The following SH3BGRL2 variants were observed in gnomAD, a reference collection of about 807,000 sequenced individuals.
The protein encoded by SH3BGRL2 is SH3 domain binding glutamate rich protein like 2.
SH3BGRL2 carries 21 observed loss-of-function variants against 14.8 expected under a neutral mutation model. The ratio of observed to expected loss-of-function variants is 1.42; its 90% CI spans 1.01 to 2.05. The LOEUF (loss-of-function observed/expected upper bound fraction) is 2.05, where lower values mean the gene tolerates loss of function less well. SH3BGRL2 is among the 30% of genes most tolerant of loss of function. The pLI is 0.00. For synonymous variants in SH3BGRL2, 50 were observed against 47.8 expected, an observed-to-expected ratio of 1.05 and a Z score of -0.19; for missense variants, 147 against 130.8, an observed-to-expected ratio of 1.12 and a Z score of -0.61.
At chr6:79,644,745 CATT>C (rs1769095171) in intron 1 of SH3BGRL2, among the ~76,000 whole-genome samples, 1 of 151,794 alleles carries the variant, frequency 6.6e-6, no homozygotes, top group Non-Finnish European at 1.5e-5. Flanking sequence ...AAATTGCAGC[CATT>C]ATTATTATTG....
upstream of SH3BGRL2, among the ~76,000 whole-genome samples, chr6:79,630,284 C>A (rs1474915364): frequency 6.6e-6 from 1 of 152,104 alleles, no homozygotes; most frequent in Non-Finnish European, 1.5e-5. Context: ...ATCAAAGAGC[C>A]AGAGACCTCA....
the SH3BGRL2 span, among the ~76,000 whole-genome samples, chr6:79,623,813 A>T: frequency 6.6e-6 from 1 of 152,230 alleles, no homozygotes; most frequent in African/African-American, 2.4e-5. Flanking sequence ...CAAAAATCAC[A>T]GGAAAAAGAA....
At chr6:79,544,060 A>G in the SH3BGRL2 span, among the ~76,000 whole-genome samples, 4 of 152,178 alleles carry the variant, frequency 2.6e-5, no homozygotes, top group Non-Finnish European at 5.9e-5. Flanking sequence ...ACTACCCTGC[A>G]GGGGATAGAA....
intron 1 of SH3BGRL2, among the ~76,000 whole-genome samples, chr6:79,648,078 G>GA (rs1415198035): frequency 3.3e-5 from 5 of 150,552 alleles, no homozygotes; most frequent in South Asian, 2.1e-4. Flanking sequence ...CCATTAAAGG[G>GA]AAAAAAATCA....
the SH3BGRL2 span, among the ~76,000 whole-genome samples, chr6:79,549,745 A>G: frequency 2.6e-5 from 4 of 152,224 alleles, no homozygotes; most frequent in Admixed American, 1.3e-4. Flanking sequence ...ATCTTTTATA[A>G]CAGTGAGTTA....
chr6:79,571,385 G>C, the SH3BGRL2 span, among the ~76,000 whole-genome samples: 1 of 152,180 alleles, frequency 6.6e-6, no homozygotes, highest in Middle Eastern at 3.2e-3. Context: ...CACAGAACCT[G>C]TAAGAAGTCA....
chr6:79,691,706 T>A lies in SH3BGRL2; in HGVS notation c.232-4779T>A, dbSNP rs1273760676. ...GAACTCATCATTTTTTATGGCTGCA[T>A]AGTATTCCATGGTGTATATGTGCCA... On this transcript the variant is annotated intron_variant, in intron 2 of 3. Coordinates refer to ENST00000369838, the MANE Select transcript of SH3BGRL2 (RefSeq NM_031469.4). Among the ~76,000 whole-genome samples, 542 of 151,128 alleles carry A rather than the reference T, an allele frequency of 3.6e-3. 2 individuals are homozygous for A. The highest frequency in any genetic ancestry group is 0.012 in the African/African-American group (505 of 41,384).
In SH3BGRL2 at chr6:79,631,522, GC is replaced by G. The variant is rs757627117; in HGVS notation, c.45+17del. ...CTTCGTGGCGGTGAGCGCGGTGGGG[GC>G]GGGCAGTAGGTTGGGGTCGCGGGGC... On this transcript the variant is annotated intron_variant, in intron 1 of 3. Transcript: ENST00000369838. 5.9e-5 allele frequency: 86 copies of G among 1,451,022 alleles called. No individual in the cohort carries two copies. The African/African-American group carries it at 9.9e-4, about 17-fold the overall frequency. The allele number at this position is 1,451,022 out of a possible 1,614,324, so 89.9% of individuals were successfully genotyped here.
chr6:79,666,137 GT>G (rs1769655763), intron 1 of SH3BGRL2, among the ~76,000 whole-genome samples: 1 of 152,150 alleles, frequency 6.6e-6, no homozygotes, highest in African/African-American at 2.4e-5. Context: ...AAACAGAGGT[GT>G]TTCAGTCTCT....
chr6:79,655,176 G>A (rs1769380420), intron 1 of SH3BGRL2, among the ~76,000 whole-genome samples: 1 of 152,112 alleles, frequency 6.6e-6, no homozygotes, highest in Admixed American at 6.5e-5. Flanking sequence ...TGACCTTAAA[G>A]CTGAGGGCAT....
chr6:79,600,207 C>T, the SH3BGRL2 span, among the ~76,000 whole-genome samples: 12 of 152,160 alleles, frequency 7.9e-5, no homozygotes, highest in Non-Finnish European at 4.4e-5. Flanking sequence ...CTAATTCTGC[C>T]CATTGCAACC....
the SH3BGRL2 span, among the ~76,000 whole-genome samples, chr6:79,564,021 T>C: frequency 6.6e-6 from 1 of 152,132 alleles, no homozygotes; most frequent in Non-Finnish European, 1.5e-5. Flanking sequence ...TAGCAAAGAC[T>C]GGAAAAATGT....
intron 1 of SH3BGRL2, among the ~76,000 whole-genome samples, chr6:79,638,504 G>T (rs1011066309): frequency 6.6e-6 from 1 of 151,974 alleles, no homozygotes; most frequent in African/African-American, 2.4e-5. Context: ...TTCCATTTGT[G>T]GTTTTTTGAG....
intron 1 of SH3BGRL2, among the ~76,000 whole-genome samples, chr6:79,643,222 C>T (rs539672143): frequency 2.2e-4 from 34 of 152,262 alleles, no homozygotes; most frequent in Admixed American, 4.6e-4. Context: ...TTCAGCTCAG[C>T]GGTAAAACCT....
intron 2 of SH3BGRL2, among the ~76,000 whole-genome samples, chr6:79,692,310 T>C (rs1458597522): frequency 6.6e-6 from 1 of 152,230 alleles, no homozygotes; most frequent in Admixed American, 6.5e-5. Flanking sequence ...GTAGGTTGCC[T>C]GTTCACTCTG....
the SH3BGRL2 span, among the ~76,000 whole-genome samples, chr6:79,551,207 T>G: frequency 6.6e-6 from 1 of 152,324 alleles, no homozygotes; most frequent in Admixed American, 6.5e-5. Flanking sequence ...GCTTTTTCCA[T>G]TACAAGCTGC....
chr6:79,684,067 G>A (rs543541188), intron 2 of SH3BGRL2, among the ~76,000 whole-genome samples: 1 of 152,262 alleles, frequency 6.6e-6, no homozygotes, highest in Admixed American at 6.5e-5. Flanking sequence ...GTTAGCCACA[G>A]GAGATTGTGC....
chr6:79,538,118 A>G, the SH3BGRL2 span, among the ~76,000 whole-genome samples: 2 of 116,576 alleles, frequency 1.7e-5, no homozygotes, highest in African/African-American at 7.0e-5. Context: ...TTTCTCTTTT[A>G]GAAATGGCAT....
chr6:79,623,298 C>T, the SH3BGRL2 span, among the ~76,000 whole-genome samples: 7 of 70,270 alleles, frequency 1.0e-4, no homozygotes, highest in East Asian at 5.2e-3. Context: ...TGAGACTCTG[C>T]CTCAAAAAAA....
Sources: allele counts gnomAD v4.1 joint callset (sites outside exome capture counted in the v4.1 genomes callset), GRCh38; gene constraint gnomAD v4.1.1; transcripts MANE v1.5; gene names NCBI Gene and HGNC (gene_info 2026-07-23, HGNC 2026-07-21).